Variants in STAG1 observed in about 807,000 individuals in gnomAD.
The protein encoded by STAG1 is cohesin subunit SA-1.
Under a neutral mutation model 170.9 loss-of-function variants are expected in STAG1, and 26 were observed. That is an observed-to-expected ratio of 0.15 (90% CI 0.11 to 0.21). STAG1 has a LOEUF of 0.21. STAG1 is among the 10% of genes least tolerant of loss of function. The pLI is 1.00. For synonymous variants in STAG1, 514 were observed against 497.7 expected (o/e 1.03, Z -0.44); for missense variants, 964 against 1,509.5 (o/e 0.64, Z 5.99).
At chr3:136,443,539 A>T (rs1403338582) in intron 14 of STAG1, 135 bp from the exon 15 acceptor site, 1 of 627,854 alleles carries the variant, frequency 1.6e-6, no homozygotes, top group Non-Finnish European at 2.7e-6. Context: ...CTTAGAGAAC[A>T]ATATATATAT....
intron 4 of STAG1, among the ~76,000 whole-genome samples, chr3:136,569,765 T>C (rs943308957): frequency 6.6e-6 from 1 of 152,050 alleles, no homozygotes; most frequent in Non-Finnish European, 1.5e-5. Context: ...AATGGATTAG[T>C]AGCTTGTTCA....
chr3:136,570,043 A>T (rs1014183400), intron 4 of STAG1, among the ~76,000 whole-genome samples: 1 of 152,148 alleles, frequency 6.6e-6, no homozygotes, highest in African/African-American at 2.4e-5. Context: ...TGTAAATTTT[A>T]AAAAAATAAA....
At chr3:136,723,724 A>G (rs1365521762) in intron 1 of STAG1, among the ~76,000 whole-genome samples, 1 of 105,548 alleles carries the variant, frequency 9.5e-6, no homozygotes, top group Admixed American at 1.1e-4. Flanking sequence ...GCCTGGCCGC[A>G]CCTACTTGGA....
At chr3:136,493,459 A>C (rs2090158432) in intron 9 of STAG1, among the ~76,000 whole-genome samples, 1 of 152,098 alleles carries the variant, frequency 6.6e-6, no homozygotes, top group South Asian at 2.1e-4. Flanking sequence ...GTTCAACACG[A>C]GCCTGGACAA....
intron 1 of STAG1, among the ~76,000 whole-genome samples, chr3:136,702,133 G>GAGAGAGAGAGAGAGAGAC (rs1943098429): frequency 1.0e-5 from 1 of 97,526 alleles, no homozygotes; most frequent in African/African-American, 7.3e-5. Context: ...CAGAGAGACA[G>GAGAGAGAGAGAGAGAGAC]AGAGACAGAG....
At chr3:136,639,702 T>A (rs1251731922) in intron 1 of STAG1, among the ~76,000 whole-genome samples, 1 of 152,222 alleles carries the variant, frequency 6.6e-6, no homozygotes, top group Non-Finnish European at 1.5e-5. Context: ...TAAGTTTGTA[T>A]AGCCCCATGA....
rs1259677046 is a variant in STAG1, at chr3:136,407,841, A to T, written c.2197-9012T>A. Among the ~76,000 whole-genome samples, 3 of 150,204 alleles carry T rather than the reference A, an allele frequency of 2.0e-5. No homozygotes were observed. In the East Asian group the frequency reaches 6.0e-4, roughly 30 times the overall value. ...AACCTAGGAGGTGGAGGTTGCAGTG[A>T]GCCGAGATCACGCCACTGCACTCCA... On this transcript the variant is annotated intron_variant, in intron 21 of 33. Coordinates refer to ENST00000383202, the MANE Select transcript of STAG1 (RefSeq NM_005862.3).
At chr3:136,672,934 A>C (rs1942022484) in intron 1 of STAG1, among the ~76,000 whole-genome samples, 1 of 152,222 alleles carries the variant, frequency 6.6e-6, no homozygotes, top group South Asian at 2.1e-4. Context: ...AAGCAGAAGA[A>C]AGAAAATGAA....
intron 27 of STAG1, among the ~76,000 whole-genome samples, chr3:136,358,228 G>T (rs1424486416): frequency 6.6e-6 from 1 of 151,886 alleles, no homozygotes; most frequent in Admixed American, 6.6e-5. Context: ...GGGACTACAC[G>T]TGTGTGCCAC....
At chr3:136,372,068 T>G (rs550138912) in intron 23 of STAG1, among the ~76,000 whole-genome samples, 1 of 152,306 alleles carries the variant, frequency 6.6e-6, no homozygotes, top group Admixed American at 6.5e-5. Context: ...AAGAGGTCCT[T>G]CACATCCCTT....
At chr3:136,679,802 T>C (rs1240494823) in intron 1 of STAG1, among the ~76,000 whole-genome samples, 1 of 150,654 alleles carries the variant, frequency 6.6e-6, no homozygotes, top group Non-Finnish European at 1.5e-5. Flanking sequence ...CTCAGGTGGC[T>C]GAGGCATGAG....
intron 22 of STAG1, among the ~76,000 whole-genome samples, chr3:136,379,778 G>T (rs1937844707): frequency 6.6e-6 from 1 of 151,990 alleles, no homozygotes; most frequent in Non-Finnish European, 1.5e-5. Context: ...GTATAAATAG[G>T]GAAGACAGCA....
At chr3:136,521,665 G>A (rs1047498967) in intron 6 of STAG1, among the ~76,000 whole-genome samples, 1 of 151,988 alleles carries the variant, frequency 6.6e-6, no homozygotes, top group Non-Finnish European at 1.5e-5. Context: ...TAAGTCTTTG[G>A]TTGAAAATAA....
chr3:136,617,268 T>C lies in STAG1; in HGVS notation c.132+5878A>G, dbSNP rs137898452. ...ACTATTCCAAGTGTAGCAGGGGAAA[T>C]TGAGAGGCCCTTCCTCAAGCTCTGG... On this transcript the variant is annotated intron_variant, in intron 3 of 33. Transcript: ENST00000383202. 1.3e-3 allele frequency among the ~76,000 whole-genome samples: 199 copies of C among 152,252 alleles called. 2 individuals carry two copies. The highest frequency in any genetic ancestry group is 0.013 in the South Asian group (62 of 4,820).
At chr3:136,434,339 C>A (rs2107748311) in intron 15 of STAG1, among the ~76,000 whole-genome samples, 1 of 152,150 alleles carries the variant, frequency 6.6e-6, no homozygotes, top group South Asian at 2.1e-4. Flanking sequence ...TTCCTTATAT[C>A]CCTGTGAACA....
At chr3:136,748,067 G>T (rs567444103) in intron 1 of STAG1, among the ~76,000 whole-genome samples, 1 of 145,644 alleles carries the variant, frequency 6.9e-6, no homozygotes, top group Non-Finnish European at 1.5e-5. Context: ...GAGCCACCGC[G>T]CCTGGCCAAG....
chr3:136,526,955 G>A (rs972327481), intron 6 of STAG1, among the ~76,000 whole-genome samples: 37 of 152,200 alleles, frequency 2.4e-4, no homozygotes, highest in Non-Finnish European at 4.8e-4. Flanking sequence ...TTTCTGCTGA[G>A]AAATCCACTG....
chr3:136,447,675 C>T (rs1028190960), intron 14 of STAG1, among the ~76,000 whole-genome samples: 3 of 134,558 alleles, frequency 2.2e-5, no homozygotes, highest in African/African-American at 5.8e-5. Flanking sequence ...GGTGCGATCT[C>T]GGCTCACTGC....
chr3:136,483,958 G>T (rs1237254408), intron 9 of STAG1, among the ~76,000 whole-genome samples: 21 of 20,710 alleles, frequency 1.0e-3, no homozygotes, highest in African/African-American at 3.7e-3. Context: ...CTCTGTATTG[G>T]TTATTCTAGT....
Sources: gnomAD v4.1 joint callset for allele counts (sites outside exome capture counted in the v4.1 genomes callset) on GRCh38, gnomAD v4.1.1 for gene constraint, MANE v1.5 for transcripts, NCBI Gene and HGNC (gene_info 2026-07-23, HGNC 2026-07-21) for gene names.